KCNIP4: variants seen among roughly 807,000 people sequenced by gnomAD.
KCNIP4 encodes potassium voltage-gated channel interacting protein 4.
A neutral mutation model predicts 34.0 loss-of-function variants in KCNIP4; 12 were observed. That is an observed-to-expected ratio of 0.35 (90% CI 0.23 to 0.57). The LOEUF is 0.57. Ranked by LOEUF, KCNIP4 falls within the 20% of genes least tolerant of loss-of-function variation. KCNIP4 has a pLI of 0.83. For synonymous variants in KCNIP4, 124 were observed against 102.2 expected (o/e 1.21, Z -1.29); for missense variants, 238 against 311.7 (o/e 0.76, Z 1.78).
intron 1 of KCNIP4, among the ~76,000 whole-genome samples, chr4:21,109,767 T>G (rs989611606): frequency 6.6e-6 from 1 of 152,164 alleles, no homozygotes; most frequent in Non-Finnish European, 1.5e-5. Context: ...ATATGGAGCA[T>G]TTTGAAATAT....
intron 1 of KCNIP4, among the ~76,000 whole-genome samples, chr4:20,921,561 G>T (rs1194074591): frequency 6.6e-6 from 1 of 152,166 alleles, no homozygotes; most frequent in Admixed American, 6.5e-5. Flanking sequence ...GTGAAATAAA[G>T]CTATAGGTAG....
intron 1 of KCNIP4, among the ~76,000 whole-genome samples, chr4:21,774,805 T>C (rs1030158174): frequency 1.3e-5 from 2 of 152,214 alleles, no homozygotes; most frequent in Admixed American, 1.3e-4. Flanking sequence ...AGATCATTTA[T>C]GTTCCTCTCT....
Position 21,807,919 on chromosome 4 carries a change from G to T in KCNIP4, c.61+140652C>A, listed in dbSNP as rs1263150238. Among the ~76,000 whole-genome samples the T allele has an allele frequency of 2.6e-5, 4 of 152,086 alleles. No individual in the cohort carries two copies. In the East Asian group the frequency reaches 7.7e-4, roughly 29 times the overall value. The stretch of plus-strand genomic sequence containing the variant: ...ATGTAAAACTTTACGTAAAATTTAG[G>T]AATAAAACTGGAGGAATAAATATTT... On this transcript the variant is annotated intron_variant, in intron 1 of 8. Coordinates refer to ENST00000382152, the MANE Select transcript of KCNIP4 (RefSeq NM_025221.6).
intron 1 of KCNIP4, among the ~76,000 whole-genome samples, chr4:21,713,382 G>C (rs748931377): frequency 6.6e-6 from 1 of 152,098 alleles, no homozygotes; most frequent in Non-Finnish European, 1.5e-5. Flanking sequence ...ACACTGCTGG[G>C]ATGATTATTT....
At chr4:21,502,063 A>G (rs1733410678) in intron 1 of KCNIP4, among the ~76,000 whole-genome samples, 3 of 151,728 alleles carry the variant, frequency 2.0e-5, no homozygotes, top group Admixed American at 2.0e-4. Flanking sequence ...TAAAGGATAT[A>G]ACTCTAATTA....
chr4:20,863,826 C>T (rs545673672), intron 2 of KCNIP4, among the ~76,000 whole-genome samples: 2 of 152,080 alleles, frequency 1.3e-5, no homozygotes, highest in South Asian at 2.1e-4. Context: ...AATAACAAAC[C>T]TGCACATGCA....
intron 1 of KCNIP4, among the ~76,000 whole-genome samples, chr4:21,177,641 C>A (rs1384825682): frequency 6.6e-6 from 1 of 151,734 alleles, no homozygotes; most frequent in Non-Finnish European, 1.5e-5. Flanking sequence ...ACAAACCTGG[C>A]CAACATGACA....
Position 20,969,266 on chromosome 4 carries a change from A to G in KCNIP4, c.62-86557T>C, listed in dbSNP as rs144181032. Reference sequence around the variant, plus strand: ...TGACAACAAGAAAGAAGAACAGGAAAACTAGTTTCAAGCTCCAGTGAGAAT... The same window carrying G: ...TGACAACAAGAAAGAAGAACAGGAAGACTAGTTTCAAGCTCCAGTGAGAAT... On this transcript the variant is annotated intron_variant, in intron 1 of 8. Coordinates refer to ENST00000382152, the MANE Select transcript of KCNIP4 (RefSeq NM_025221.6). Among the ~76,000 whole-genome samples, 322 of 152,344 alleles carry G rather than the reference A, an allele frequency of 2.1e-3. 1 individual carries two copies. The highest frequency in any genetic ancestry group is 7.6e-3 in the African/African-American group (318 of 41,582).
intron 1 of KCNIP4, among the ~76,000 whole-genome samples, chr4:21,624,244 T>G (rs1447268875): frequency 6.6e-6 from 1 of 152,158 alleles, no homozygotes; most frequent in Non-Finnish European, 1.5e-5. Flanking sequence ...AATAACTAGC[T>G]CATAGGGCTT....
chr4:20,933,142 G>A (rs1396400477), intron 1 of KCNIP4, among the ~76,000 whole-genome samples: 2 of 152,028 alleles, frequency 1.3e-5, no homozygotes, highest in South Asian at 2.1e-4. Flanking sequence ...CTACTTCGAG[G>A]CTGAGACAGG....
At chr4:21,032,709 G>A (rs932886989) in intron 1 of KCNIP4, among the ~76,000 whole-genome samples, 5 of 152,008 alleles carry the variant, frequency 3.3e-5, no homozygotes, top group African/African-American at 9.7e-5. Context: ...ATCTCTCCTG[G>A]GCTGGTGATT....
intron 1 of KCNIP4, among the ~76,000 whole-genome samples, chr4:21,399,240 G>T (rs1388015654): frequency 6.6e-6 from 1 of 152,148 alleles, no homozygotes; most frequent in East Asian, 1.9e-4. Flanking sequence ...CAGGGTGTAG[G>T]TTCTGTTAGG....
At chr4:21,939,766 A>T (rs1007999291) in intron 1 of KCNIP4, among the ~76,000 whole-genome samples, 11 of 152,320 alleles carry the variant, frequency 7.2e-5, no homozygotes, top group Admixed American at 7.2e-4. Context: ...AGTTTATGAA[A>T]GTAGATGATA....
At chr4:21,673,944 A>T (rs534744221) in intron 1 of KCNIP4, among the ~76,000 whole-genome samples, 1 of 152,326 alleles carries the variant, frequency 6.6e-6, no homozygotes, top group Non-Finnish European at 1.5e-5. Context: ...TATGTGATTT[A>T]AAAAATCCTA....
chr4:21,152,740 T>G (rs1752848191), intron 1 of KCNIP4, among the ~76,000 whole-genome samples: 2 of 152,014 alleles, frequency 1.3e-5, no homozygotes, highest in South Asian at 4.2e-4. Context: ...AAGCCAGCGG[T>G]GATTATTATC....
chr4:21,733,007 C>G (rs1715718934), intron 1 of KCNIP4, among the ~76,000 whole-genome samples: 1 of 152,072 alleles, frequency 6.6e-6, no homozygotes, highest in South Asian at 2.1e-4. Flanking sequence ...TCCTATTTAA[C>G]TTTTAATAGA....
chr4:21,473,311 T>C (rs1347226857), intron 1 of KCNIP4, among the ~76,000 whole-genome samples: 1 of 152,146 alleles, frequency 6.6e-6, no homozygotes, highest in Non-Finnish European at 1.5e-5. Flanking sequence ...CTTTAAACTG[T>C]CAAATTCTCT....
intron 1 of KCNIP4, among the ~76,000 whole-genome samples, chr4:21,114,132 A>G (rs1485037996): frequency 6.6e-6 from 1 of 152,170 alleles, no homozygotes; most frequent in Non-Finnish European, 1.5e-5. Flanking sequence ...TCAGAATATG[A>G]TAAAGAAAAT....
At chr4:20,794,816 T>C (rs1713242432) in intron 3 of KCNIP4, among the ~76,000 whole-genome samples, 1 of 152,250 alleles carries the variant, frequency 6.6e-6, no homozygotes, top group African/African-American at 2.4e-5. Context: ...TTACATGATC[T>C]AACAACACAA....
Sources: gnomAD v4.1 joint callset for allele counts (sites outside exome capture counted in the v4.1 genomes callset) on GRCh38, gnomAD v4.1.1 for gene constraint, MANE v1.5 for transcripts, NCBI Gene and HGNC (gene_info 2026-07-23, HGNC 2026-07-21) for gene names.